Variants in ABL2 observed in about 807,000 individuals in gnomAD.
ABL2 encodes the protein ABL proto-oncogene 2, non-receptor tyrosine kinase, also known as tyrosine-protein kinase ABL2.
ABL2 carries 49 observed loss-of-function variants against 107.7 expected under a neutral mutation model. The ratio of observed to expected loss-of-function variants is 0.45; its 90% CI spans 0.36 to 0.58. ABL2 has a LOEUF of 0.58. ABL2 is among the 20% of genes least tolerant of loss of function. The pLI is 0.00. For missense variants in ABL2, 1,245 were observed against 1,457.0 expected (o/e 0.85, Z 2.37); for synonymous variants, 549 against 548.6 (o/e 1.00, Z -0.01).
At position 179,212,768 on chromosome 1, in the gene ABL2, T is replaced by C. The variant is rs566552405; in HGVS notation, c.157+16473A>G. Among the ~76,000 whole-genome samples, 6 of 133,834 alleles carry C rather than the reference T, an allele frequency of 4.5e-5. No individual in the cohort carries two copies. The East Asian group carries it at 1.4e-3, about 31-fold the overall frequency. The allele number at this position is 133,834 out of a possible 152,430, so 87.8% of individuals were successfully genotyped here. A position where few individuals can be genotyped will look rare whatever the true frequency, so the allele number is the denominator to read the frequency against. On this transcript the variant is annotated intron_variant, in intron 1 of 11. Coordinates refer to ENST00000502732, the MANE Select transcript of ABL2 (RefSeq NM_007314.4). Reference sequence around the variant, plus strand: ...AGAAAGAAATACAATGCAAGCTGGCTGGGCGTGGTGGCTCATGCCTATAAT... The same window carrying C: ...AGAAAGAAATACAATGCAAGCTGGCCGGGCGTGGTGGCTCATGCCTATAAT...
At chr1:179,124,915 C>A (rs909158730) in intron 4 of ABL2, among the ~76,000 whole-genome samples, 1 of 152,160 alleles carries the variant, frequency 6.6e-6, no homozygotes, top group Admixed American at 6.5e-5. Context: ...TTAGCATATT[C>A]TCAAAGTTGT....
rs192914968 is a variant in ABL2 at position 179,193,010 on chromosome 1, A to G, written c.157+36231T>C. 1.3e-3 allele frequency among the ~76,000 whole-genome samples: 201 copies of G among 152,320 alleles called. 1 individual carries two copies. The highest frequency in any genetic ancestry group is 1.6e-3 in the Non-Finnish European group (109 of 68,032). On this transcript the variant is annotated intron_variant, in intron 1 of 11. Coordinates refer to ENST00000502732, the MANE Select transcript of ABL2 (RefSeq NM_007314.4). ...TGAATTATCTTCTGCGTTGTTGTCT[A>G]TATCAAAGGTCATATCATATTTCAT... is the stretch of plus-strand genomic sequence containing the variant.
At position 179,135,793 on chromosome 1, in the gene ABL2, G is replaced by A. The variant is rs564799122; in HGVS notation, c.158-2419C>T. 4.3e-3 allele frequency among the ~76,000 whole-genome samples: 509 copies of A among 117,726 alleles called. 4 individuals carry two copies. Among genetic ancestry groups the A allele is most frequent in the African/African-American group, 0.015 (464 of 30,584 alleles). 77.2% of individuals were successfully genotyped at this position (117,726 alleles called of 152,430 possible). On this transcript the variant is annotated intron_variant, in intron 1 of 11. Coordinates refer to ENST00000502732, the MANE Select transcript of ABL2 (RefSeq NM_007314.4). ...AGGGAGGTGGGGGGGTCAGCCCCCCGCCCGGCCAGCCGCCCCGTCCGGGAG... is the reference window on the plus strand; with the variant it reads ...AGGGAGGTGGGGGGGTCAGCCCCCCACCCGGCCAGCCGCCCCGTCCGGGAG...
chr1:179,180,494 C>T (rs1660312247), intron 1 of ABL2, among the ~76,000 whole-genome samples: 1 of 152,108 alleles, frequency 6.6e-6, no homozygotes, highest in African/African-American at 2.4e-5. Context: ...TAAGGCCTAC[C>T]ACCTCTCTAC....
At chr1:179,184,496 CA>C in intron 1 of ABL2, 1 of 761,724 alleles carries the variant, frequency 1.3e-6, no homozygotes, top group South Asian at 1.6e-5. Context: ...GAAAGTTCAT[CA>C]AAGATGACAT....
At chr1:179,186,744 C>CTATT (rs200853452) in intron 1 of ABL2, among the ~76,000 whole-genome samples, 3,876 of 151,914 alleles carry the variant, frequency 0.026, 128 homozygotes, top group Admixed American at 0.065. Context: ...GCTTCCAATA[C>CTATT]TATTTATTTA....
intron 1 of ABL2, among the ~76,000 whole-genome samples, chr1:179,190,646 C>T (rs1456951816): frequency 6.6e-5 from 10 of 151,980 alleles, no homozygotes; most frequent in Admixed American, 6.6e-4. Context: ...ATGAAAGCCC[C>T]AACCTTCTAA....
chr1:179,202,589 A>T (rs939883414), intron 1 of ABL2, among the ~76,000 whole-genome samples: 1 of 152,360 alleles, frequency 6.6e-6, no homozygotes, highest in Non-Finnish European at 1.5e-5. Flanking sequence ...CAGCAAATTA[A>T]GTAACACTGG....
intron 1 of ABL2, among the ~76,000 whole-genome samples, chr1:179,152,311 T>C (rs889116059): frequency 2.0e-5 from 3 of 152,216 alleles, no homozygotes; most frequent in Non-Finnish European, 4.4e-5. Flanking sequence ...GTTTGGCATG[T>C]CCTTTGGTGG....
Position 179,105,381 on chromosome 1 carries a change from G to C in ABL2, c.*2337C>G. On this transcript the variant is annotated 3_prime_UTR_variant, in exon 12 of 12. Transcript: ENST00000502732. ...CTTAACTTGCATCCCACAACAACAG[G>C]GATAAACCTAAAAAGCAGCATAATA... 4.3e-6 allele frequency: 1 copy of C among 231,414 alleles called. No individual in the cohort carries two copies. The highest frequency in any genetic ancestry group is 8.6e-6 in the Non-Finnish European group (1 of 116,950). 14.3% of individuals were successfully genotyped at this position (231,414 alleles called of 1,614,324 possible).
At position 179,108,160 on chromosome 1, in the gene ABL2, G is replaced by C. The variant is rs1000851701; in HGVS notation, c.3107C>G (p.Ala1036Gly). The change falls in exon 12 of 12, where the codon GCT becomes GGT. Residue 1036 changes from alanine (A) to glycine (G), a missense_variant. This residue lies in a region of ABL2 where 761 missense variants were observed against 766.4 expected (regional missense o/e 0.99). Transcript: ENST00000502732. ...AGGTGGAGGCATCACTGGCCTCCCA[G>C]CTTTCCCACTGATGGGCACTGCGCC... ...ALGAVPISGKAGRPVMPPPQV... is the reference protein window; with the variant it reads ...ALGAVPISGKGGRPVMPPPQV... 1 of 1,614,228 alleles carries C rather than the reference G, an allele frequency of 6.2e-7. No homozygotes were observed. The highest frequency in any genetic ancestry group is 1.7e-5 in the Admixed American group (1 of 60,028).
At chr1:179,224,333 C>A (rs1002432364) in intron 1 of ABL2, among the ~76,000 whole-genome samples, 5 of 151,958 alleles carry the variant, frequency 3.3e-5, no homozygotes, top group Non-Finnish European at 7.4e-5. Context: ...GGTGCGCGAT[C>A]TCGGCTCACT....
chr1:179,126,775 A>C lies in ABL2; in HGVS notation c.392-103T>G. The C allele has an allele frequency of 1.6e-6, 2 of 1,219,578 alleles. No homozygotes were observed. The highest frequency in any genetic ancestry group is 2.2e-6 in the Non-Finnish European group (2 of 904,710). 75.5% of individuals were successfully genotyped at this position (1,219,578 alleles called of 1,614,324 possible). On this transcript the variant is annotated intron_variant, in intron 3 of 11. Coordinates refer to ENST00000502732, the MANE Select transcript of ABL2 (RefSeq NM_007314.4). The surrounding 1 kb of genome is among the most constrained non-coding windows in gnomAD (Gnocchi z 4.4). ...TTAAACTCATTAAAAAAAAAAAAGA[A>C]TCTAGAACTTTTATGCCAAATTTTT... is the stretch of plus-strand genomic sequence containing the variant.
intron 1 of ABL2, among the ~76,000 whole-genome samples, chr1:179,209,146 A>C (rs980578493): frequency 6.6e-6 from 1 of 152,204 alleles, no homozygotes; most frequent in Non-Finnish European, 1.5e-5. Flanking sequence ...TCTGAAGCAG[A>C]CCATAGAAGA....
intron 1 of ABL2, chr1:179,137,910 C>A (rs1657189946): frequency 6.6e-6 from 1 of 152,186 alleles, no homozygotes; most frequent in Admixed American, 6.5e-5. Flanking sequence ...CTTACATCCA[C>A]AGCAAGTTTA....
rs1348042993 is a variant in ABL2 at position 179,118,783 on chromosome 1, T to G, written c.1046-19A>C. On this transcript the variant is annotated intron_variant, in intron 6 of 11. Coordinates refer to ENST00000502732, the MANE Select transcript of ABL2 (RefSeq NM_007314.4). ...CACACACCTAAAAGTTGAACAATAGTGCTTGTTTTTATTAGTGTACATTCA... is the reference window on the plus strand; with the variant it reads ...CACACACCTAAAAGTTGAACAATAGGGCTTGTTTTTATTAGTGTACATTCA... 3.7e-6 allele frequency: 6 copies of G among 1,610,978 alleles called. No homozygotes were observed. The highest frequency in any genetic ancestry group is 5.1e-6 in the Non-Finnish European group (6 of 1,178,116).
At chr1:179,125,084 C>T (rs1358800128) in intron 4 of ABL2, among the ~76,000 whole-genome samples, 1 of 152,162 alleles carries the variant, frequency 6.6e-6, no homozygotes, top group Non-Finnish European at 1.5e-5. Flanking sequence ...TAGGGGCCAG[C>T]AAACTCTTCA....
intron 8 of ABL2, among the ~76,000 whole-genome samples, chr1:179,115,622 A>C (rs1426552080): frequency 6.6e-6 from 1 of 152,130 alleles, no homozygotes; most frequent in Non-Finnish European, 1.5e-5. Flanking sequence ...CGGTTATCAG[A>C]TCAAAAAAAG....
rs1166030819 is a variant in ABL2, at chr1:179,126,639, T to C, written c.425A>G (p.Asn142Ser). Residue 142 changes from asparagine (N) to serine (S), a missense_variant, in exon 4 of 12, where the codon AAT (asparagine) becomes AGT (serine). This residue lies in a region of ABL2 where 320 missense variants were observed against 547.0 expected (regional missense o/e 0.59). Transcript: ENST00000502732. The surrounding 1 kb of genome is among the most constrained non-coding windows in gnomAD (Gnocchi z 4.4). ...AGAGCGAACTTCACTCCACTCACCA[T>C]TCTGGTTGTAACCAAGGACTCGTAG... ...EKLRVLGYNQNGEWSEVRSKN... is the reference protein window; with the variant it reads ...EKLRVLGYNQSGEWSEVRSKN... 1 of 1,613,938 alleles carries C rather than the reference T, an allele frequency of 6.2e-7. No individual in the cohort carries two copies. The highest frequency in any genetic ancestry group is 8.5e-7 in the Non-Finnish European group (1 of 1,179,920).
Sources: gnomAD v4.1 joint callset for allele counts (sites outside exome capture counted in the v4.1 genomes callset) on GRCh38, gnomAD v4.1.1 for gene constraint, gnomAD v4.1.1 regional missense constraint, Gnocchi (gnomAD v3.1) non-coding constraint, MANE v1.5 for transcripts, NCBI Gene and HGNC (gene_info 2026-07-23, HGNC 2026-07-21) for gene names.